Variants in HTR4 observed in about 807,000 individuals in gnomAD.
HTR4 encodes the protein 5-hydroxytryptamine (serotonin) receptor 4, G protein-coupled.
A neutral mutation model predicts 36.8 loss-of-function variants in HTR4; 16 were observed. The ratio of observed to expected loss-of-function variants is 0.43; its 90% CI spans 0.29 to 0.66. The LOEUF is 0.66. Ranked by LOEUF, HTR4 falls within the 30% of genes least tolerant of loss-of-function variation. The pLI is 0.13. For synonymous variants in HTR4, 189 were observed against 185.1 expected (o/e 1.02, Z -0.17); for missense variants, 438 against 490.9 (o/e 0.89, Z 1.02).
At chr5:148,503,407 A>G (rs1043434732) in intron 6 of HTR4, among the ~76,000 whole-genome samples, 2 of 152,188 alleles carry the variant, frequency 1.3e-5, no homozygotes, top group African/African-American at 4.8e-5. Context: ...TCATAAGTGA[A>G]GGAGAAATAA....
At chr5:148,638,867 C>A (rs983283985) in intron 1 of HTR4, among the ~76,000 whole-genome samples, 5 of 151,996 alleles carry the variant, frequency 3.3e-5, no homozygotes, top group African/African-American at 1.2e-4. Context: ...CCAGCCTGGG[C>A]AACGTGGCAA....
intron 4 of HTR4, among the ~76,000 whole-genome samples, chr5:148,539,055 G>T (rs922501867): frequency 4.6e-5 from 7 of 151,856 alleles, no homozygotes; most frequent in Admixed American, 2.0e-4. Context: ...CAGAATAGAG[G>T]GTCAGAGATA....
At chr5:148,455,197 T>A (rs1401385969) in intron 5 of HTR4, among the ~76,000 whole-genome samples, 1 of 152,174 alleles carries the variant, frequency 6.6e-6, no homozygotes, top group Non-Finnish European at 1.5e-5. Context: ...CTCAGAGCAG[T>A]TACGCAGTTT....
chr5:148,635,406 T>C (rs1036871652), intron 2 of HTR4, among the ~76,000 whole-genome samples: 4 of 152,136 alleles, frequency 2.6e-5, no homozygotes, highest in African/African-American at 7.2e-5. Context: ...TGATGGGATC[T>C]GGTTAGAAAA....
chr5:148,518,935 T>G lies in HTR4; in HGVS notation c.507+4258A>C, dbSNP rs192574599. On this transcript the variant is annotated intron_variant, in intron 5 of 6. Coordinates refer to ENST00000377888, the MANE Select transcript of HTR4 (RefSeq NM_000870.7). ...ACTTTTTACTTGTTTTTGTGTGTGT[T>G]TTTTTAAATAAAATGTAACACCTGA... Among the ~76,000 whole-genome samples, 380 of 152,312 alleles carry G rather than the reference T, an allele frequency of 2.5e-3. 1 individual carries two copies. Among genetic ancestry groups the G allele is most frequent in the South Asian group, 4.2e-3 (20 of 4,818 alleles).
Position 148,523,286 on chromosome 5 carries a change from G to C in HTR4, c.414C>G (p.Ile138Met). ...VYRNKMTPLR[I>M]ALMLGGCWVI... Reference sequence around the variant, plus strand: ...CCCAGCAGCCTCCCAGCATTAATGCGATGCGCAGAGGGGTCATCTTGTTCC... The same window carrying C: ...CCCAGCAGCCTCCCAGCATTAATGCCATGCGCAGAGGGGTCATCTTGTTCC... Residue 138 changes from isoleucine to methionine, a missense_variant, in exon 5 of 7, where the codon ATC (isoleucine) becomes ATG (methionine). By Grantham distance (10) the Ile-to-Met change is conservative (BLOSUM62 1). Transcript: ENST00000377888. 1 of 1,613,262 alleles carries C rather than the reference G, an allele frequency of 6.2e-7. No homozygotes were observed. The highest frequency in any genetic ancestry group is 8.5e-7 in the Non-Finnish European group (1 of 1,179,602).
intron 2 of HTR4, among the ~76,000 whole-genome samples, chr5:148,565,873 G>A (rs73268381): frequency 0.039 from 5,911 of 152,224 alleles, 401 homozygotes; most frequent in African/African-American, 0.14. Context: ...ATGTAAAGGA[G>A]GCTCATTTGG....
chr5:148,455,859 G>A (rs1243551737), intron 5 of HTR4, among the ~76,000 whole-genome samples: 1 of 152,070 alleles, frequency 6.6e-6, no homozygotes, highest in Non-Finnish European at 1.5e-5. Flanking sequence ...TTTACTATTT[G>A]TAATGTGGAA....
chr5:148,463,344 G>GTT (rs112210576), intron 5 of HTR4, among the ~76,000 whole-genome samples: 5 of 147,162 alleles, frequency 3.4e-5, no homozygotes, highest in African/African-American at 1.3e-4. Context: ...AGCTATTTTT[G>GTT]TTTTTTTTTG....
intron 6 of HTR4, among the ~76,000 whole-genome samples, chr5:148,489,805 A>T (rs1228080731): frequency 6.6e-6 from 1 of 152,134 alleles, no homozygotes; most frequent in Non-Finnish European, 1.5e-5. Context: ...GAAGGGTTTC[A>T]TATACCCTTC....
Position 148,463,695 on chromosome 5 carries a change from GTT to G in HTR4, c.1077-12425_1077-12424del, listed in dbSNP as rs201482578. On this transcript the variant is annotated intron_variant, in intron 5 of 5. Coordinates refer to the HTR4 transcript ENST00000521530. ...CATTTCCAATCAAAATCTCAGTGAG[GTT>G]TTTTTTTTTTGTTTGTTTTTTAACA... Among the ~76,000 whole-genome samples the G allele has an allele frequency of 3.0e-4, 45 of 147,974 alleles. No individual in the cohort carries two copies. The East Asian group carries it at 8.4e-3, about 28-fold the overall frequency.
intron 2 of HTR4, among the ~76,000 whole-genome samples, chr5:148,563,209 C>T (rs866318702): frequency 5.9e-5 from 9 of 152,300 alleles, no homozygotes; most frequent in South Asian, 4.1e-4. Flanking sequence ...TCCTGACTTC[C>T]ACACTGTTCC....
At chr5:148,647,354 A>T (rs1174977208) in intron 1 of HTR4, among the ~76,000 whole-genome samples, 2 of 152,238 alleles carry the variant, frequency 1.3e-5, no homozygotes, top group African/African-American at 4.8e-5. Context: ...ATTGTAAAAT[A>T]CCAAAACTGC....
chr5:148,484,609 C>G lies in HTR4; in HGVS notation c.1077-1316G>C, dbSNP rs191065858. Among the ~76,000 whole-genome samples the G allele has an allele frequency of 5.7e-3, 869 of 152,270 alleles. 3 individuals are homozygous for G. The highest frequency in any genetic ancestry group is 9.5e-3 in the Non-Finnish European group (643 of 68,012). On this transcript the variant is annotated intron_variant, in intron 6 of 6. Coordinates refer to ENST00000377888, the MANE Select transcript of HTR4 (RefSeq NM_000870.7). ...CCCTGAGATATGACACATCTTGGCT[C>G]AGAGAGAGTTAAATGCTTTCCATCA...
downstream of HTR4, among the ~76,000 whole-genome samples, chr5:148,472,148 T>C (rs1334599465): frequency 6.6e-6 from 1 of 152,192 alleles, no homozygotes; most frequent in Non-Finnish European, 1.5e-5. Context: ...ACAGGGTATA[T>C]GCAACCACAG....
intron 4 of HTR4, among the ~76,000 whole-genome samples, chr5:148,543,870 G>C (rs931801267): frequency 6.6e-6 from 1 of 152,110 alleles, no homozygotes; most frequent in East Asian, 1.9e-4. Flanking sequence ...AGATGTGAGG[G>C]TGTTTGATGA....
chr5:148,563,628 A>T (rs1760310199), intron 2 of HTR4, among the ~76,000 whole-genome samples: 1 of 152,212 alleles, frequency 6.6e-6, no homozygotes, highest in Non-Finnish European at 1.5e-5. Flanking sequence ...AGATTCAACC[A>T]ACTGTGAATC....
At position 148,514,760 on chromosome 5, in the gene HTR4, A is replaced by C. The variant is rs188356759; in HGVS notation, c.508-4736T>G. 2.0e-5 allele frequency among the ~76,000 whole-genome samples: 3 copies of C among 152,242 alleles called. No homozygotes were observed. The East Asian group carries it at 5.8e-4, about 29-fold the overall frequency. The stretch of plus-strand genomic sequence containing the variant: ...TCATGTATCATCCTCTTGAATTGAT[A>C]TTTTTATCATTATGAAATATTTCTA... On this transcript the variant is annotated intron_variant, in intron 5 of 6. Coordinates refer to ENST00000377888, the MANE Select transcript of HTR4 (RefSeq NM_000870.7).
At chr5:148,498,126 C>A (rs921251764) in intron 6 of HTR4, among the ~76,000 whole-genome samples, 1 of 152,142 alleles carries the variant, frequency 6.6e-6, no homozygotes, top group Non-Finnish European at 1.5e-5. Flanking sequence ...TCATTGGCTA[C>A]CCATTTGCTT....
Sources: gnomAD v4.1 joint callset for allele counts (sites outside exome capture counted in the v4.1 genomes callset) on GRCh38, gnomAD v4.1.1 for gene constraint, MANE v1.5 for transcripts, NCBI Gene and HGNC (gene_info 2026-07-23, HGNC 2026-07-21) for gene names.